The following ACOXL variants were observed in gnomAD, a reference collection of about 807,000 sequenced individuals.
ACOXL encodes the protein acyl-coenzyme A oxidase-like protein.
A neutral mutation model predicts 71.9 loss-of-function variants in ACOXL; 70 were observed. That is an observed-to-expected ratio of 0.97 (90% CI 0.80 to 1.19). The LOEUF (loss-of-function observed/expected upper bound fraction) is 1.19. Among genes scored for constraint, ACOXL ranks in the 50% most tolerant of loss-of-function variants. The pLI, the probability that ACOXL is intolerant of heterozygous loss-of-function variation, is 0.00. For missense variants in ACOXL, 703 were observed against 736.3 expected, an observed-to-expected ratio of 0.95 and a Z score of 0.52; for synonymous variants, 253 against 281.6, an observed-to-expected ratio of 0.90 and a Z score of 1.02.
chr2:110,869,003 A>G (rs895888173), intron 10 of ACOXL, among the ~76,000 whole-genome samples: 1 of 152,150 alleles, frequency 6.6e-6, no homozygotes, highest in African/African-American at 2.4e-5. Context: ...AGTGGCAGCT[A>G]ACATTTCTTG....
intron 2 of ACOXL, among the ~76,000 whole-genome samples, chr2:110,773,614 C>T (rs1337986900): frequency 2.0e-5 from 3 of 152,218 alleles, no homozygotes; most frequent in Non-Finnish European, 1.5e-5. Flanking sequence ...CTTGGCTCTG[C>T]CGCCCTGGCC....
chr2:111,067,722 A>T (rs1374437989), intron 16 of ACOXL, among the ~76,000 whole-genome samples: 1 of 152,362 alleles, frequency 6.6e-6, no homozygotes, highest in East Asian at 1.9e-4. Context: ...GGAAAATCTA[A>T]AAGTTTCATA....
At chr2:110,794,010 G>T in intron 4 of ACOXL, 66 bp from the exon 5 acceptor site, 1 of 1,505,132 alleles carries the variant, frequency 6.6e-7, no homozygotes, top group South Asian at 1.1e-5. Context: ...TTAATGGTCC[G>T]AGGGGTCTGC....
At chr2:111,016,627 CA>C (rs1219213664) in intron 14 of ACOXL, 1 of 152,286 alleles carries the variant, frequency 6.6e-6, no homozygotes, top group African/African-American at 2.4e-5. Context: ...AGCTCACACT[CA>C]TCACGTGTCC....
intron 12 of ACOXL, among the ~76,000 whole-genome samples, chr2:110,949,106 C>G (rs985276786): frequency 4.6e-5 from 7 of 152,138 alleles, no homozygotes; most frequent in Non-Finnish European, 7.3e-5. Context: ...GTCCAGCTGG[C>G]TGGGATTGCA....
chr2:110,974,830 C>T (rs1001253426), intron 12 of ACOXL, among the ~76,000 whole-genome samples: 1 of 152,284 alleles, frequency 6.6e-6, no homozygotes, highest in South Asian at 2.1e-4. Context: ...AATGTTTCTC[C>T]AATCAGAAGG....
intron 16 of ACOXL, among the ~76,000 whole-genome samples, chr2:111,058,572 C>T (rs1387420602): frequency 6.6e-6 from 1 of 152,230 alleles, no homozygotes; most frequent in Non-Finnish European, 1.5e-5. Flanking sequence ...TCTGCACCTG[C>T]TTAACTCTTC....
chr2:111,086,633 C>T lies in ACOXL; in HGVS notation c.1441-6232C>T, dbSNP rs572807074. Among the ~76,000 whole-genome samples, 137 of 152,054 alleles carry T rather than the reference C, an allele frequency of 9.0e-4. 1 individual carries two copies. Among genetic ancestry groups the T allele is most frequent in the African/African-American group, 3.0e-3 (123 of 41,500 alleles). ...GTTGCATTTTATTGAACATCTTCGA[C>T]AAAAGGCACTGAAGGAACATACTTG... On this transcript the variant is annotated intron_variant, in intron 16 of 17. Coordinates refer to ENST00000439055, the MANE Select transcript of ACOXL (RefSeq NM_001142807.4).
intron 17 of ACOXL, chr2:111,094,477 A>C (rs1488252652): frequency 6.6e-6 from 1 of 152,290 alleles, no homozygotes; most frequent in African/African-American, 2.4e-5. Flanking sequence ...ACGTCTGGCA[A>C]AAGCCTCCAT....
intron 1 of ACOXL, among the ~76,000 whole-genome samples, chr2:110,742,550 G>T (rs187266716): frequency 2.0e-5 from 3 of 152,146 alleles, no homozygotes; most frequent in African/African-American, 7.2e-5. Context: ...AGCTCCTGGG[G>T]CCCTTCGTCA....
intron 12 of ACOXL, among the ~76,000 whole-genome samples, chr2:110,949,370 G>C (rs1225264364): frequency 7.5e-6 from 1 of 133,674 alleles, no homozygotes; most frequent in Non-Finnish European, 1.6e-5. Flanking sequence ...GGCATCAACT[G>C]GTTTCTGACC....
At chr2:110,995,302 C>T (rs1201397033) in intron 13 of ACOXL, among the ~76,000 whole-genome samples, 1 of 150,842 alleles carries the variant, frequency 6.6e-6, no homozygotes, top group Non-Finnish European at 1.5e-5. Flanking sequence ...CAGTTCAAGA[C>T]CAGCCTGGCC....
chr2:111,062,134 ACAT>A (rs1258075102), intron 16 of ACOXL, among the ~76,000 whole-genome samples: 2 of 152,238 alleles, frequency 1.3e-5, no homozygotes, highest in Middle Eastern at 3.4e-3. Context: ...CAAAAATAAC[ACAT>A]CATGCAAATA....
rs144673765 is a variant in ACOXL, at chr2:110,978,539, G to A, written c.1060-8569G>A. On this transcript the variant is annotated intron_variant, in intron 12 of 17. Coordinates refer to ENST00000439055, the MANE Select transcript of ACOXL (RefSeq NM_001142807.4). ...TCCCCCAAAGGAACCGGTGCAGGCT[G>A]GAAAAAAACAAGTTCATGCTGCAAA... is the stretch of plus-strand genomic sequence containing the variant. 2.6e-5 allele frequency among the ~76,000 whole-genome samples: 4 copies of A among 152,182 alleles called. No individual in the cohort carries two copies. In the East Asian group the frequency reaches 7.7e-4, roughly 29 times the overall value.
In ACOXL at chr2:110,821,294, T is replaced by A. The variant is rs558453160; in HGVS notation, c.753+15899T>A. On this transcript the variant is annotated intron_variant, in intron 9 of 17. Coordinates refer to ENST00000439055, the MANE Select transcript of ACOXL (RefSeq NM_001142807.4). ...CTTTCTCTCTCTCTCTCTTTTTTTT[T>A]AACATATTTCTGCTAGTTTCTATTC... Among the ~76,000 whole-genome samples the A allele has an allele frequency of 6.7e-4, 102 of 152,240 alleles. 1 individual carries two copies. The South Asian group carries it at 0.017, about 26-fold the overall frequency.
chr2:110,877,365 C>T (rs1696056380), intron 10 of ACOXL, among the ~76,000 whole-genome samples: 1 of 152,240 alleles, frequency 6.6e-6, no homozygotes, highest in South Asian at 2.1e-4. Context: ...GAATCACCAA[C>T]AGCAGACCAA....
intron 3 of ACOXL, 71 bp downstream of exon 3, chr2:110,784,886 A>C (rs750217081): frequency 2.1e-4 from 294 of 1,421,528 alleles, no homozygotes; most frequent in Non-Finnish European, 2.8e-4. Context: ...GAAAACTATA[A>C]CCCCGTGAGC....
rs187293543 is a variant in ACOXL at position 110,847,775 on chromosome 2, G to C, written c.788+6370G>C. Reference sequence around the variant, plus strand: ...CTGGACGGGGAAAGAGAGAGTTGGGGAACCTGCGTGTGATCGAACTGCTCA... The same window carrying C: ...CTGGACGGGGAAAGAGAGAGTTGGGCAACCTGCGTGTGATCGAACTGCTCA... On this transcript the variant is annotated intron_variant, in intron 10 of 17. Coordinates refer to ENST00000439055, the MANE Select transcript of ACOXL (RefSeq NM_001142807.4). Among the ~76,000 whole-genome samples, 15 of 152,332 alleles carry C rather than the reference G, an allele frequency of 9.8e-5. 1 individual carries two copies. The East Asian group carries it at 2.9e-3, about 29-fold the overall frequency.
intron 1 of ACOXL, among the ~76,000 whole-genome samples, chr2:110,743,805 AG>A (rs1447640242): frequency 1.3e-5 from 2 of 152,178 alleles, no homozygotes; most frequent in African/African-American, 4.8e-5. Flanking sequence ...ACATCACCAC[AG>A]GGATGATTTC....
Sources: gnomAD v4.1 joint callset for allele counts (sites outside exome capture counted in the v4.1 genomes callset) on GRCh38, gnomAD v4.1.1 for gene constraint, MANE v1.5 for transcripts, NCBI Gene and HGNC (gene_info 2026-07-23, HGNC 2026-07-21) for gene names.